VPS13B: variants seen among roughly 807,000 people sequenced by gnomAD.
VPS13B encodes intermembrane lipid transfer protein VPS13B.
In VPS13B, 285 loss-of-function variants were observed where a neutral mutation model predicts 426.4. That is an observed-to-expected ratio of 0.67 (90% CI 0.61 to 0.74). The LOEUF (loss-of-function observed/expected upper bound fraction) is 0.74, where lower values mean the gene tolerates loss of function less well. Among genes scored for constraint, VPS13B ranks in the 30% least tolerant of loss-of-function variants. The pLI is 0.00. For missense variants in VPS13B, 4,537 were observed against 4,782.6 expected (o/e 0.95, Z 1.51); for synonymous variants, 1,676 against 1,676.4 (o/e 1.00, Z 0.01).
At chr8:99,470,027 A>G (rs1300982340) in intron 24 of VPS13B, among the ~76,000 whole-genome samples, 2 of 152,160 alleles carry the variant, frequency 1.3e-5, no homozygotes, top group Non-Finnish European at 2.9e-5. Flanking sequence ...GCATGGCCCT[A>G]CTGATACCTT....
At position 99,758,344 on chromosome 8, in the gene VPS13B, T is replaced by C. The variant is rs538206697; in HGVS notation, c.7051-8430T>C. ...AGAGAGGATTAGTGAGTTAAGTTAA[T>C]GCAAAGTTTGTTAAAAATTGGCATG... is the stretch of plus-strand genomic sequence containing the variant. On this transcript the variant is annotated intron_variant, in intron 39 of 61. Coordinates refer to ENST00000357162, the MANE Select transcript of VPS13B (RefSeq NM_152564.5). Among the ~76,000 whole-genome samples, 5 of 152,336 alleles carry C rather than the reference T, an allele frequency of 3.3e-5. No individual in the cohort carries two copies. The South Asian group carries it at 1.0e-3, about 32-fold the overall frequency.
At position 99,601,195 on chromosome 8, in the gene VPS13B, C is replaced by T. The variant is rs1366090671; in HGVS notation, c.5220+23562C>T. 4.6e-5 allele frequency among the ~76,000 whole-genome samples: 7 copies of T among 151,962 alleles called. No individual in the cohort carries two copies. The South Asian group carries it at 6.2e-4, about 14-fold the overall frequency. ...CTCCAGTGTGTGATGTTCCCTTCCC[C>T]GTGTCCATGTGTTCTCCTTGTTCAA... On this transcript the variant is annotated intron_variant, in intron 33 of 61. Coordinates refer to ENST00000357162, the MANE Select transcript of VPS13B (RefSeq NM_152564.5).
At chr8:99,536,038 C>T (rs1823198494) in intron 30 of VPS13B, among the ~76,000 whole-genome samples, 1 of 151,774 alleles carries the variant, frequency 6.6e-6, no homozygotes, top group Non-Finnish European at 1.5e-5. Context: ...CAACCTCTGC[C>T]TCCCAGGTTC....
chr8:99,600,195 A>G (rs1237484013), intron 33 of VPS13B, among the ~76,000 whole-genome samples: 1 of 152,110 alleles, frequency 6.6e-6, no homozygotes, highest in Non-Finnish European at 1.5e-5. Flanking sequence ...TGTTTTATAT[A>G]GGTTAACTCC....
At chr8:99,568,351 T>G (rs1825296591) in intron 31 of VPS13B, among the ~76,000 whole-genome samples, 1 of 150,812 alleles carries the variant, frequency 6.6e-6, no homozygotes, top group Non-Finnish European at 1.5e-5. Flanking sequence ...AGTGCAGTGG[T>G]GCAATCTCGT....
At chr8:99,635,488 A>G (rs979329829) in intron 33 of VPS13B, among the ~76,000 whole-genome samples, 4 of 151,992 alleles carry the variant, frequency 2.6e-5, no homozygotes, top group South Asian at 2.1e-4. Context: ...TTGGATATGC[A>G]TATGTTTGGT....
chr8:99,873,694 G>C (rs1376566053), intron 61 of VPS13B, among the ~76,000 whole-genome samples: 1 of 152,148 alleles, frequency 6.6e-6, no homozygotes, highest in Non-Finnish European at 1.5e-5. Context: ...TCACCCCCAA[G>C]AAAACTCAAG....
chr8:99,117,872 T>A (rs1253934753), intron 7 of VPS13B, among the ~76,000 whole-genome samples: 1 of 152,110 alleles, frequency 6.6e-6, no homozygotes, highest in East Asian at 1.9e-4. Flanking sequence ...GAGCAAAACT[T>A]GTGACTATTA....
chr8:99,091,360 GAGATGATC>G (rs1009267785), intron 3 of VPS13B, among the ~76,000 whole-genome samples: 1 of 152,146 alleles, frequency 6.6e-6, no homozygotes, highest in Non-Finnish European at 1.5e-5. Context: ...ATCTTCCTTT[GAGATGATC>G]AAATGAAAAG....
At chr8:99,174,411 A>T (rs1004617745) in intron 16 of VPS13B, among the ~76,000 whole-genome samples, 1 of 152,128 alleles carries the variant, frequency 6.6e-6, no homozygotes, top group Non-Finnish European at 1.5e-5. Flanking sequence ...ACACCACTTG[A>T]CACCTGCAAC....
chr8:99,299,207 C>A (rs963556886), intron 19 of VPS13B, among the ~76,000 whole-genome samples: 1 of 151,310 alleles, frequency 6.6e-6, no homozygotes, highest in Non-Finnish European at 1.5e-5. Context: ...GATTACAGGC[C>A]CCCACCACTA....
chr8:99,251,156 T>A (rs952600863), intron 17 of VPS13B, among the ~76,000 whole-genome samples: 2 of 152,150 alleles, frequency 1.3e-5, no homozygotes, highest in Non-Finnish European at 2.9e-5. Flanking sequence ...TCTGTATACC[T>A]TTTATCTCTC....
At chr8:99,751,259 C>T (rs1810380868) in intron 39 of VPS13B, among the ~76,000 whole-genome samples, 1 of 152,072 alleles carries the variant, frequency 6.6e-6, no homozygotes, top group Non-Finnish European at 1.5e-5. Flanking sequence ...GCACCTCCAT[C>T]AGAGTCAAAA....
chr8:99,667,507 T>C (rs1215121970), intron 35 of VPS13B, among the ~76,000 whole-genome samples: 1 of 152,198 alleles, frequency 6.6e-6, no homozygotes, highest in Non-Finnish European at 1.5e-5. Flanking sequence ...AAAGTACTTT[T>C]TTTATTTGAG....
At chr8:99,110,292 T>C (rs945445642) in intron 5 of VPS13B, among the ~76,000 whole-genome samples, 1 of 152,106 alleles carries the variant, frequency 6.6e-6, no homozygotes, top group African/African-American at 2.4e-5. Flanking sequence ...GCAAGTAGAT[T>C]TGGGCCTGAT....
chr8:99,117,253 C>G (rs935795881), intron 7 of VPS13B, among the ~76,000 whole-genome samples: 1 of 152,032 alleles, frequency 6.6e-6, no homozygotes, highest in South Asian at 2.1e-4. Context: ...GATACCACTT[C>G]ACAGGTACTA....
chr8:99,060,028 G>T (rs1362659747), intron 3 of VPS13B, among the ~76,000 whole-genome samples: 1 of 152,070 alleles, frequency 6.6e-6, no homozygotes, highest in African/African-American at 2.4e-5. Flanking sequence ...GAGCCACTCT[G>T]CAGGCCAAGG....
chr8:99,089,620 G>T (rs1368067132), intron 3 of VPS13B, among the ~76,000 whole-genome samples: 1 of 152,050 alleles, frequency 6.6e-6, no homozygotes, highest in Non-Finnish European at 1.5e-5. Flanking sequence ...ATAGAAGGGA[G>T]TGTCTGAGTT....
At chr8:99,520,777 T>G (rs2133667665) in intron 29 of VPS13B, 122 bp from the exon 30 acceptor site, 2 of 723,526 alleles carry the variant, frequency 2.8e-6, no homozygotes, top group East Asian at 2.7e-5. Context: ...TCATTTTACT[T>G]TTTCTTATTT....
Sources: allele counts gnomAD v4.1 joint callset (sites outside exome capture counted in the v4.1 genomes callset), GRCh38; gene constraint gnomAD v4.1.1; transcripts MANE v1.5; gene names NCBI Gene and HGNC (gene_info 2026-07-23, HGNC 2026-07-21).